DCLK2: variants seen among roughly 807,000 people sequenced by gnomAD.
DCLK2 encodes doublecortin like kinase 2.
In DCLK2, 31 loss-of-function variants were observed where a neutral mutation model predicts 78.4. That is an observed-to-expected ratio of 0.40 (90% confidence interval 0.30 to 0.53). The LOEUF is 0.53. Ranked by LOEUF, DCLK2 falls within the 20% of genes least tolerant of loss-of-function variation. The probability of loss-of-function intolerance (pLI) is 0.61; values close to 1 mark genes in which losing one functional copy is unlikely to be tolerated. For missense variants in DCLK2, 872 were observed against 973.7 expected (o/e 0.90, Z 1.39); for synonymous variants, 407 against 374.9 (o/e 1.09, Z -0.99).
intron 2 of DCLK2, among the ~76,000 whole-genome samples, chr4:150,123,111 A>G (rs762391546): frequency 6.6e-6 from 1 of 152,210 alleles, no homozygotes; most frequent in Non-Finnish European, 1.5e-5. Flanking sequence ...GTGATAACTA[A>G]AGTAGCAATT....
At chr4:150,180,955 G>C (rs1304082027) in intron 2 of DCLK2, among the ~76,000 whole-genome samples, 2 of 152,150 alleles carry the variant, frequency 1.3e-5, no homozygotes, top group Non-Finnish European at 2.9e-5. Context: ...CCCAAACCCA[G>C]GAGGAGGGAC....
At chr4:150,237,369 T>G (rs55786180) in intron 10 of DCLK2, among the ~76,000 whole-genome samples, 6,961 of 152,292 alleles carry the variant, frequency 0.046, 177 homozygotes, top group Middle Eastern at 0.058. Flanking sequence ...TGAAAATGTT[T>G]CTGCTGACTT....
At chr4:150,170,283 A>G (rs1736424194) in intron 2 of DCLK2, among the ~76,000 whole-genome samples, 2 of 152,142 alleles carry the variant, frequency 1.3e-5, no homozygotes, top group African/African-American at 2.4e-5. Flanking sequence ...ACCTCAGATG[A>G]TCCACCCACC....
At chr4:150,183,831 C>G (rs1737708352) in intron 2 of DCLK2, among the ~76,000 whole-genome samples, 1 of 151,620 alleles carries the variant, frequency 6.6e-6, no homozygotes, top group Admixed American at 6.6e-5. Flanking sequence ...CTTCCTGGCT[C>G]AAATGGTCCT....
Position 150,256,086 on chromosome 4 carries a change from G to A in DCLK2, c.2140G>A (p.Gly714Arg). The A allele has an allele frequency of 6.2e-7, 1 of 1,612,898 alleles. No individual in the cohort carries two copies. Among genetic ancestry groups the A allele is most frequent in the Non-Finnish European group, 8.5e-7 (1 of 1,179,884 alleles). ...SKHCQDSGRP[G>R]MEPISPVPPS... is the part of the protein sequence containing the mutation. ...GCACTGTCAAGACAGCGGCAGGCCT[G>A]GGATGGAGCCCATCTCTCCAGTTCC... The change falls in exon 16 of 16, where the codon GGG becomes AGG. Residue 714 changes from glycine (G) to arginine (R), a missense_variant. Transcript: ENST00000296550.
chr4:150,172,035 T>C (rs548709402), intron 2 of DCLK2, among the ~76,000 whole-genome samples: 42 of 152,300 alleles, frequency 2.8e-4, no homozygotes, highest in African/African-American at 1.0e-3. Flanking sequence ...CTTAAAGAGA[T>C]TGTCAGTTTG....
At chr4:150,206,995 A>G (rs532187468) in intron 5 of DCLK2, among the ~76,000 whole-genome samples, 3 of 152,296 alleles carry the variant, frequency 2.0e-5, no homozygotes, top group African/African-American at 7.2e-5. Context: ...GAGGAATTAC[A>G]GATAATTACC....
chr4:150,198,175 A>T, intron 4 of DCLK2, 72 bp downstream of exon 4: 1 of 1,380,634 alleles, frequency 7.2e-7, no homozygotes, highest in Non-Finnish European at 1.0e-6. Context: ...TCTAATTTTT[A>T]TGAATTAGTA....
At position 150,257,373 on chromosome 4, in the gene DCLK2, CATT is replaced by C. The variant is rs1275612003; in HGVS notation, c.*1127_*1129del. ...ACTGGCGAGCCCTATAGTTCGTTCT[CATT>C]GTTAGATTTTGCCTTTTACAAGTGT... On this transcript the variant is annotated 3_prime_UTR_variant, in exon 16 of 16. Transcript: ENST00000296550. 1 of 152,628 alleles carries C rather than the reference CATT, an allele frequency of 6.6e-6. No homozygotes were observed. Among genetic ancestry groups the C allele is most frequent in the African/African-American group, 2.4e-5 (1 of 41,438 alleles). The allele number at this position is 152,628 out of a possible 1,614,324, so 9.5% of individuals were successfully genotyped here. A position where few individuals can be genotyped will look rare whatever the true frequency, so the allele number is the denominator to read the frequency against.
intron 10 of DCLK2, 131 bp from the exon 11 acceptor site, chr4:150,239,611 A>T (rs1333586258): frequency 9.3e-6 from 12 of 1,285,442 alleles, no homozygotes; most frequent in Non-Finnish European, 1.3e-5. Flanking sequence ...CAAAAAAAAA[A>T]ATCACAAGGA....
At chr4:150,135,165 TACACACACACAC>T (rs57866267) in intron 2 of DCLK2, among the ~76,000 whole-genome samples, 2 of 146,822 alleles carry the variant, frequency 1.4e-5, no homozygotes, top group Admixed American at 1.4e-4. Flanking sequence ...CATACACGTG[TACACACACACAC>T]ACACACACAC....
chr4:150,253,205 C>T, intron 15 of DCLK2: 1 of 510,704 alleles, frequency 2.0e-6, no homozygotes, highest in South Asian at 1.4e-5. Context: ...AAATGACTCT[C>T]CCTGGTACTC....
intron 8 of DCLK2, among the ~76,000 whole-genome samples, chr4:150,229,513 T>G (rs993364847): frequency 5.9e-5 from 9 of 152,110 alleles, no homozygotes; most frequent in African/African-American, 2.2e-4. Context: ...CTGTTTCTGC[T>G]TGGGACAGCC....
chr4:150,149,942 T>G (rs1734773233), intron 2 of DCLK2, among the ~76,000 whole-genome samples: 1 of 152,202 alleles, frequency 6.6e-6, no homozygotes, highest in Non-Finnish European at 1.5e-5. Context: ...TTTAAATTTG[T>G]TCATGTTTTT....
chr4:150,141,515 G>T (rs1015150791), intron 2 of DCLK2, among the ~76,000 whole-genome samples: 1 of 152,172 alleles, frequency 6.6e-6, no homozygotes, highest in Non-Finnish European at 1.5e-5. Context: ...CACCTGGTGG[G>T]TAGGGCTTTG....
Position 150,224,463 on chromosome 4 carries a change from TTA to T in DCLK2, c.1242-36_1242-35del, listed in dbSNP as rs556083831. 2,620 of 1,542,818 alleles carry T rather than the reference TTA, an allele frequency of 1.7e-3. 3 individuals are homozygous for T. Among genetic ancestry groups the T allele is most frequent in the Non-Finnish European group, 2.1e-3 (2,436 of 1,141,556 alleles). On this transcript the variant is annotated intron_variant, in intron 7 of 15. Coordinates refer to ENST00000296550, the MANE Select transcript of DCLK2 (RefSeq NM_001040260.4). The stretch of plus-strand genomic sequence containing the variant: ...GAAAACAGGAATGATGGTATTTAAT[TTA>T]TGTCTTTAAATGGTCTTCCTCTGAT...
intron 2 of DCLK2, among the ~76,000 whole-genome samples, chr4:150,130,068 G>A (rs966058497): frequency 1.3e-5 from 2 of 152,104 alleles, no homozygotes; most frequent in Non-Finnish European, 2.9e-5. Context: ...GATTAAATTC[G>A]TGGATGTTTT....
At chr4:150,087,616 C>T (rs1028230635) in intron 1 of DCLK2, among the ~76,000 whole-genome samples, 5 of 152,092 alleles carry the variant, frequency 3.3e-5, no homozygotes, top group African/African-American at 9.7e-5. Flanking sequence ...TATGGACAGC[C>T]CTGTAGAAAT....
chr4:150,252,023 C>T (rs1744205178), intron 15 of DCLK2, among the ~76,000 whole-genome samples: 1 of 152,048 alleles, frequency 6.6e-6, no homozygotes, highest in Non-Finnish European at 1.5e-5. Flanking sequence ...GCGCTCTGTG[C>T]CAAAGCAGTG....
Sources: allele counts gnomAD v4.1 joint callset (sites outside exome capture counted in the v4.1 genomes callset), GRCh38; gene constraint gnomAD v4.1.1; transcripts MANE v1.5; gene names NCBI Gene and HGNC (gene_info 2026-07-23, HGNC 2026-07-21).